LRRC8D: variants seen among roughly 807,000 people sequenced by gnomAD.
LRRC8D encodes volume-regulated anion channel subunit LRRC8D.
In LRRC8D, 20 loss-of-function variants were observed where a neutral mutation model predicts 55.8. That is an observed-to-expected ratio of 0.36 (90% CI 0.25 to 0.52). The LOEUF is 0.52. Among genes scored for constraint, LRRC8D ranks in the 20% least tolerant of loss-of-function variants. The pLI, the probability that LRRC8D is intolerant of heterozygous loss-of-function variation, is 0.93. For synonymous variants in LRRC8D, 352 were observed against 377.0 expected (o/e 0.93, Z 0.77); for missense variants, 651 against 1,030.8 (o/e 0.63, Z 5.05).
intron 2 of LRRC8D, among the ~76,000 whole-genome samples, chr1:89,871,369 T>C (rs555742850): frequency 6.6e-6 from 1 of 152,358 alleles, no homozygotes; most frequent in Admixed American, 6.5e-5. Flanking sequence ...TAATGATTAA[T>C]TGAAAACACA....
chr1:89,927,103 A>G (rs1279020511), intron 2 of LRRC8D, among the ~76,000 whole-genome samples: 1 of 152,224 alleles, frequency 6.6e-6, no homozygotes, highest in Non-Finnish European at 1.5e-5. Context: ...TTTGTACTCC[A>G]GAGAAAGCAG....
At chr1:89,848,279 A>G (rs892984092) in intron 2 of LRRC8D, among the ~76,000 whole-genome samples, 1 of 152,200 alleles carries the variant, frequency 6.6e-6, no homozygotes, top group African/African-American at 2.4e-5. Context: ...GGCCAGTTTC[A>G]GAATCATGAT....
At chr1:89,858,891 A>C (rs1346259418) in intron 2 of LRRC8D, among the ~76,000 whole-genome samples, 2 of 152,182 alleles carry the variant, frequency 1.3e-5, no homozygotes, top group Non-Finnish European at 2.9e-5. Context: ...ATTCTGTTTA[A>C]AACTAATAGA....
At chr1:89,895,543 G>A (rs191339315) in intron 2 of LRRC8D, among the ~76,000 whole-genome samples, 2 of 128,680 alleles carry the variant, frequency 1.6e-5, no homozygotes, top group East Asian at 4.0e-4. Context: ...TGCTTTTAAA[G>A]ATGTACTGTT....
intron 2 of LRRC8D, among the ~76,000 whole-genome samples, chr1:89,846,350 ACT>A (rs1265736701): frequency 5.3e-5 from 8 of 149,880 alleles, no homozygotes; most frequent in Non-Finnish European, 1.0e-4. Context: ...ACAGAGCTAA[ACT>A]CTTCTTGCTC....
chr1:89,835,234 G>T (rs1660977160), intron 1 of LRRC8D, among the ~76,000 whole-genome samples: 1 of 152,176 alleles, frequency 6.6e-6, no homozygotes, highest in African/African-American at 2.4e-5. Context: ...CCTGGTGAGG[G>T]AAGGGTTCTA....
chr1:89,851,565 A>G (rs1319244369), intron 2 of LRRC8D, among the ~76,000 whole-genome samples: 1 of 151,008 alleles, frequency 6.6e-6, no homozygotes, highest in Non-Finnish European at 1.5e-5. Flanking sequence ...GCTGGAGTGC[A>G]ATGGCACAAT....
intron 2 of LRRC8D, among the ~76,000 whole-genome samples, chr1:89,910,690 C>T (rs747464738): frequency 2.7e-5 from 4 of 149,528 alleles, no homozygotes; most frequent in Non-Finnish European, 4.5e-5. Flanking sequence ...TGATCTCGGT[C>T]GAATTACTCA....
At chr1:89,921,486 G>A (rs1663416679) in intron 2 of LRRC8D, among the ~76,000 whole-genome samples, 1 of 152,104 alleles carries the variant, frequency 6.6e-6, no homozygotes, top group Non-Finnish European at 1.5e-5. Flanking sequence ...GGGGTACTAA[G>A]ACCTCCTAGT....
rs138881534 is a variant in LRRC8D at position 89,869,737 on chromosome 1, C to T, written c.-3+25955C>T. On this transcript the variant is annotated intron_variant, in intron 2 of 2. Coordinates refer to ENST00000337338, the MANE Select transcript of LRRC8D (RefSeq NM_001134479.2). ...AGGTCGGGTTACCCACAAAGGGAAGCCCATCAGACTCAGCAGATCTCTCGG... is the reference window on the plus strand; with the variant it reads ...AGGTCGGGTTACCCACAAAGGGAAGTCCATCAGACTCAGCAGATCTCTCGG... Among the ~76,000 whole-genome samples, 369 of 152,276 alleles carry T rather than the reference C, an allele frequency of 2.4e-3. 1 individual carries two copies. Among genetic ancestry groups the T allele is most frequent in the African/African-American group, 8.4e-3 (347 of 41,546 alleles).
intron 2 of LRRC8D, among the ~76,000 whole-genome samples, chr1:89,900,680 C>T (rs2100908351): frequency 6.6e-6 from 1 of 152,324 alleles, no homozygotes; most frequent in Admixed American, 6.5e-5. Flanking sequence ...AGTCTGAAAG[C>T]TAAGAGTTGG....
intron 2 of LRRC8D, among the ~76,000 whole-genome samples, chr1:89,858,965 C>A (rs902309930): frequency 6.6e-6 from 1 of 152,076 alleles, no homozygotes; most frequent in Non-Finnish European, 1.5e-5. Flanking sequence ...AAAAAGAATT[C>A]ATTCACAATA....
rs143768373 is a variant in LRRC8D at position 89,900,602 on chromosome 1, G to T, written c.-2-32465G>T. Among the ~76,000 whole-genome samples, 112 of 152,278 alleles carry T rather than the reference G, an allele frequency of 7.4e-4. No homozygotes were observed. In the East Asian group the frequency reaches 0.021, roughly 28 times the overall value. ...TTGAGGTGAACATCGAAGCATAGTG[G>T]CACTTACTGGAAGTATCTCTCAGAG... is the stretch of plus-strand genomic sequence containing the variant. On this transcript the variant is annotated intron_variant, in intron 2 of 2. Coordinates refer to ENST00000337338, the MANE Select transcript of LRRC8D (RefSeq NM_001134479.2).
rs566818081 is a variant in LRRC8D at position 89,843,816 on chromosome 1, G to A, written c.-3+34G>A. On this transcript the variant is annotated intron_variant, in intron 2 of 2. Transcript: ENST00000337338. ...GGTCGGGTCTGGGTCCAGGGAGCGG[G>A]TCGGGAAGTCTGCGGCACGGAGCAC... 6 of 632,314 alleles carry A rather than the reference G, an allele frequency of 9.5e-6. No homozygotes were observed. In the East Asian group the frequency reaches 1.7e-4, roughly 18 times the overall value. 39.2% of individuals were successfully genotyped at this position (632,314 alleles called of 1,614,324 possible). A position where few individuals can be genotyped will look rare whatever the true frequency, so the allele number is the denominator to read the frequency against.
At position 89,870,400 on chromosome 1, in the gene LRRC8D, C is replaced by T. The variant is rs568811728; in HGVS notation, c.-3+26618C>T. 7.5e-4 allele frequency among the ~76,000 whole-genome samples: 114 copies of T among 151,992 alleles called. 1 individual carries two copies. The highest frequency in any genetic ancestry group is 2.5e-3 in the Admixed American group (38 of 15,250). On this transcript the variant is annotated intron_variant, in intron 2 of 2. Transcript: ENST00000337338. Reference sequence around the variant, plus strand: ...CTGAGGCAGGAGAATCGCTTGAACCCGGGAGGCAGAGGTTGCAGTGAGCCA... The same window carrying T: ...CTGAGGCAGGAGAATCGCTTGAACCTGGGAGGCAGAGGTTGCAGTGAGCCA...
intron 2 of LRRC8D, among the ~76,000 whole-genome samples, chr1:89,864,349 T>C (rs1240641305): frequency 6.6e-6 from 1 of 152,088 alleles, no homozygotes; most frequent in Non-Finnish European, 1.5e-5. Context: ...AAGCCATCTT[T>C]GAATGCAGGT....
chr1:89,831,946 G>A (rs142562388), intron 1 of LRRC8D, among the ~76,000 whole-genome samples: 1 of 152,266 alleles, frequency 6.6e-6, no homozygotes, highest in Non-Finnish European at 1.5e-5. Flanking sequence ...GGAAAAAGAC[G>A]GTTTGGAACA....
At chr1:89,920,422 T>C (rs1181748125) in intron 2 of LRRC8D, among the ~76,000 whole-genome samples, 1 of 152,170 alleles carries the variant, frequency 6.6e-6, no homozygotes, top group Non-Finnish European at 1.5e-5. Context: ...AAATCTGAGA[T>C]TGATAAGTTT....
At chr1:89,821,624 T>G (rs931724528) in intron 1 of LRRC8D, among the ~76,000 whole-genome samples, 1 of 151,974 alleles carries the variant, frequency 6.6e-6, no homozygotes, top group African/African-American at 2.4e-5. Flanking sequence ...TTCTCTCACC[T>G]CCCTCCGCCC....
Sources: gnomAD v4.1 joint callset for allele counts (sites outside exome capture counted in the v4.1 genomes callset) on GRCh38, gnomAD v4.1.1 for gene constraint, MANE v1.5 for transcripts, NCBI Gene and HGNC (gene_info 2026-07-23, HGNC 2026-07-21) for gene names.